The following ZNF845 variants were observed in gnomAD, a reference collection of about 807,000 sequenced individuals.
The protein encoded by ZNF845 is zinc finger protein 845.
A neutral mutation model predicts 76.1 loss-of-function variants in ZNF845; 59 were observed. That is an observed-to-expected ratio of 0.78 (90% CI 0.63 to 0.96). The LOEUF (loss-of-function observed/expected upper bound fraction) is 0.96, where lower values mean the gene tolerates loss of function less well. Among genes scored for constraint, ZNF845 ranks in the 40% least tolerant of loss-of-function variants. The pLI, the probability that ZNF845 is intolerant of heterozygous loss-of-function variation, is 0.00. For missense variants in ZNF845, 1,045 were observed against 1,172.8 expected (o/e 0.89, Z 1.59); for synonymous variants, 361 against 386.9 (o/e 0.93, Z 0.78).
intron 1 of ZNF845, among the ~76,000 whole-genome samples, chr19:53,340,314 C>T (rs1014015173): frequency 1.3e-5 from 2 of 152,180 alleles, no homozygotes; most frequent in African/African-American, 2.4e-5. Context: ...GGCCTCCCAA[C>T]GTGCTGGGAT....
chr19:53,352,766 C>T lies in ZNF845; in HGVS notation c.2091C>T (p.Gly697=), dbSNP rs768656424. 5 of 1,613,948 alleles carry T rather than the reference C, an allele frequency of 3.1e-6. No homozygotes were observed. The highest frequency in any genetic ancestry group is 1.7e-5 in the Admixed American group (1 of 60,000). The stretch of plus-strand genomic sequence containing the variant: ...AACCTTACAAGTGTAATGAGTGTGG[C>T]AAGACCTTCGGTCGAAATTCAGCCC... The part of the protein sequence containing the change: ...GEKPYKCNEC[G]KTFGRNSALI... Residue 697 remains glycine, a synonymous_variant, in exon 4 of 4, where the codon GGC becomes GGT. Coordinates refer to ENST00000458035, the MANE Select transcript of ZNF845 (RefSeq NM_138374.3).
chr19:53,340,746 A>G (rs10405660), intron 1 of ZNF845: 11,318 of 305,524 alleles, frequency 0.037, 588 homozygotes, highest in African/African-American at 0.13. Context: ...AGAAGACCTC[A>G]TCCCTGCCTG....
At position 53,339,064 on chromosome 19, in the gene ZNF845, C is replaced by T. The variant is rs1053814838; in HGVS notation, c.-73-2171C>T. Among the ~76,000 whole-genome samples the T allele has an allele frequency of 3.3e-5, 5 of 152,116 alleles. No homozygotes were observed. The East Asian group carries it at 9.6e-4, about 29-fold the overall frequency. ...GCAGTGAGCCGAGATCGCGCCATTG[C>T]ACTACAGCATGGTGACAGAGCAAGA... On this transcript the variant is annotated intron_variant, in intron 1 of 3. Coordinates refer to ENST00000458035, the MANE Select transcript of ZNF845 (RefSeq NM_138374.3).
chr19:53,340,029 C>T (rs1481522671), intron 1 of ZNF845, among the ~76,000 whole-genome samples: 2 of 152,044 alleles, frequency 1.3e-5, no homozygotes, highest in African/African-American at 4.8e-5. Flanking sequence ...ACTACAGGCA[C>T]ACGCCACCAT....
In ZNF845 at chr19:53,354,924, T is replaced by C. The variant is rs1355533865; in HGVS notation, c.*1336T>C. 8 of 151,870 alleles carry C rather than the reference T, an allele frequency of 5.3e-5. No homozygotes were observed. Among genetic ancestry groups the C allele is most frequent in the African/African-American group, 1.7e-4 (7 of 41,350 alleles). The allele number at this position is 151,870 out of a possible 1,614,324, so 9.4% of individuals were successfully genotyped here. A position where few individuals can be genotyped will look rare whatever the true frequency, so the allele number is the denominator to read the frequency against. Reference sequence around the variant, plus strand: ...AGTCTCACTCTGTTACCCAGGCTCTTTTCTTTTTTTTTGAGAAGGAGTCTC... The same window carrying C: ...AGTCTCACTCTGTTACCCAGGCTCTCTTCTTTTTTTTTGAGAAGGAGTCTC... On this transcript the variant is annotated 3_prime_UTR_variant, in exon 4 of 4. Transcript: ENST00000458035.
rs766473546 is a variant in ZNF845, at chr19:53,353,418, T to A, written c.2743T>A (p.Tyr915Asn). ...TAGAATTCATACTGGAGAGAAACCT[T>A]ACAAGTGTAATGAGTGTGGCAAAAC... is the stretch of plus-strand genomic sequence containing the variant. ...HHRIHTGEKP[Y>N]KCNECGKTFR... Residue 915 changes from tyrosine (Y) to asparagine (N), a missense_variant, in exon 4 of 4, where the codon TAC (tyrosine) becomes AAC (asparagine). By Grantham distance (143) the Tyr-to-Asn change is moderately radical. Coordinates refer to ENST00000458035, the MANE Select transcript of ZNF845 (RefSeq NM_138374.3). The A allele has an allele frequency of 5.0e-6, 8 of 1,613,632 alleles. No homozygotes were observed. In the African/African-American group the frequency reaches 9.4e-5, roughly 19 times the overall value.
At chr19:53,336,637 T>TC (rs2085216653) in intron 1 of ZNF845, among the ~76,000 whole-genome samples, 1 of 118,324 alleles carries the variant, frequency 8.5e-6, no homozygotes, top group African/African-American at 2.8e-5. Context: ...TTCTTTCTTT[T>TC]TTTTTTTTTT....
chr19:53,345,721 C>G lies in ZNF845; in HGVS notation c.142+89C>G, dbSNP rs915465333. On this transcript the variant is annotated intron_variant, in intron 3 of 3. Transcript: ENST00000458035. ...TTTTAGATACAATGTCTTGCTCTGTCACCCAGGGTGGAGTGAAATGGTGTG... is the reference window on the plus strand; with the variant it reads ...TTTTAGATACAATGTCTTGCTCTGTGACCCAGGGTGGAGTGAAATGGTGTG... 1.1e-5 allele frequency: 18 copies of G among 1,583,102 alleles called. No homozygotes were observed. The African/African-American group carries it at 1.5e-4, about 13-fold the overall frequency.
chr19:53,350,585 G>T (rs916692147), intron 3 of ZNF845, among the ~76,000 whole-genome samples: 1 of 152,110 alleles, frequency 6.6e-6, no homozygotes, highest in South Asian at 2.1e-4. Context: ...ATACATTTGT[G>T]TGCTGTCAGT....
rs934423688 is a variant in ZNF845, at chr19:53,351,640, C to T, written c.965C>T (p.Thr322Ile). 8 of 1,614,056 alleles carry T rather than the reference C, an allele frequency of 5.0e-6. No individual in the cohort carries two copies. In the East Asian group the frequency reaches 1.1e-4, roughly 22 times the overall value. ...SALVIHKAIH[T>I]GEKSYKCNEC... Reference sequence around the variant, plus strand: ...CTTGTAATTCATAAGGCAATTCATACTGGAGAGAAATCTTACAAGTGTAAT... The same window carrying T: ...CTTGTAATTCATAAGGCAATTCATATTGGAGAGAAATCTTACAAGTGTAAT... Residue 322 changes from threonine to isoleucine, a missense_variant, in exon 4 of 4, where the codon ACT (threonine) becomes ATT (isoleucine). Physicochemically the swap from Thr to Ile is moderately conservative, Grantham distance 89. Coordinates refer to ENST00000458035, the MANE Select transcript of ZNF845 (RefSeq NM_138374.3).
At position 53,355,427 on chromosome 19, in the gene ZNF845, T is replaced by G. The variant is rs190741715; in HGVS notation, c.*1839T>G. On this transcript the variant is annotated 3_prime_UTR_variant, in exon 4 of 4. Coordinates refer to ENST00000458035, the MANE Select transcript of ZNF845 (RefSeq NM_138374.3). ...ACCTAGCTAATTTATTTATTTTTTT[T>G]ATTTTAGTAAAGACGGGGTTTCACC... The G allele has an allele frequency of 1.3e-5, 2 of 151,382 alleles. No homozygotes were observed. Among genetic ancestry groups the G allele is most frequent in the South Asian group, 4.2e-4 (2 of 4,782 alleles). The allele number at this position is 151,382 out of a possible 1,614,324, so 9.4% of individuals were successfully genotyped here. A position where few individuals can be genotyped will look rare whatever the true frequency, so the allele number is the denominator to read the frequency against.
chr19:53,338,694 GCACA>G (rs57616883), intron 1 of ZNF845, among the ~76,000 whole-genome samples: 5,063 of 140,356 alleles, frequency 0.036, 305 homozygotes, highest in African/African-American at 0.12. Flanking sequence ...CAACACGTGA[GCACA>G]CACACACACA....
chr19:53,337,860 C>A (rs550144003), intron 1 of ZNF845, among the ~76,000 whole-genome samples: 1 of 152,062 alleles, frequency 6.6e-6, no homozygotes, highest in Non-Finnish European at 1.5e-5. Context: ...CCACCGCGCC[C>A]GCCCCAATTT....
Position 53,351,357 on chromosome 19 carries a change from T to A in ZNF845, c.682T>A (p.Ser228Thr), listed in dbSNP as rs2085333711. Residue 228 changes from serine (S) to threonine (T), a missense_variant, in exon 4 of 4, where the codon TCA becomes ACA. Physicochemically the swap from Ser to Thr is moderately conservative, Grantham distance 58. Transcript: ENST00000458035. ...NESGKAFNYS[S>T]VLRKHQIIHL... ...GAGTGGCAAAGCCTTTAATTATAGCTCAGTCTTAAGGAAACATCAGATAAT... is the reference window on the plus strand; with the variant it reads ...GAGTGGCAAAGCCTTTAATTATAGCACAGTCTTAAGGAAACATCAGATAAT... The A allele has an allele frequency of 1.9e-6, 3 of 1,614,214 alleles. 1 individual carries two copies. Among genetic ancestry groups the A allele is most frequent in the East Asian group, 4.5e-5 (2 of 44,884 alleles).
intron 1 of ZNF845, among the ~76,000 whole-genome samples, chr19:53,338,606 G>A (rs1391920224): frequency 1.4e-5 from 2 of 146,934 alleles, no homozygotes; most frequent in Admixed American, 6.8e-5. Flanking sequence ...AAACAGCACC[G>A]TGAACTGCAG....
At chr19:53,345,044 G>A (rs1231166898) in intron 2 of ZNF845, among the ~76,000 whole-genome samples, 1 of 152,196 alleles carries the variant, frequency 6.6e-6, no homozygotes, top group African/African-American at 2.4e-5. Flanking sequence ...GAAGGCCGGT[G>A]TGGTGGCTCA....
In ZNF845 at chr19:53,351,454, GTCA is replaced by G; in HGVS notation, c.782_784del (p.His261del). ...TTTAATCAAAAGCGATATCTTGCAT[GTCA>G]TCGTAGATGTCACACTGGCAAGAAA... is the stretch of plus-strand genomic sequence containing the variant. On this transcript the variant is annotated inframe_deletion, in exon 4 of 4. Transcript: ENST00000458035. The G allele has an allele frequency of 6.2e-7, 1 of 1,614,212 alleles. No individual in the cohort carries two copies. Among genetic ancestry groups the G allele is most frequent in the Admixed American group, 1.7e-5 (1 of 60,022 alleles).
At chr19:53,348,319 T>A (rs2085310694) in intron 3 of ZNF845, among the ~76,000 whole-genome samples, 1 of 152,136 alleles carries the variant, frequency 6.6e-6, no homozygotes, top group Non-Finnish European at 1.5e-5. Flanking sequence ...ACGGCACAGA[T>A]ATTTATTTCT....
At chr19:53,344,033 A>G (rs538007517) in intron 2 of ZNF845, among the ~76,000 whole-genome samples, 2 of 151,698 alleles carry the variant, frequency 1.3e-5, no homozygotes, top group Non-Finnish European at 2.9e-5. Context: ...CTGGAGTGCA[A>G]TGGTGAGATT....
Sources: gnomAD v4.1 joint callset for allele counts (sites outside exome capture counted in the v4.1 genomes callset) on GRCh38, gnomAD v4.1.1 for gene constraint, MANE v1.5 for transcripts, NCBI Gene and HGNC (gene_info 2026-07-23, HGNC 2026-07-21) for gene names.